Variants in ARHGAP28 observed in about 807,000 individuals in gnomAD.
ARHGAP28 encodes Rho GTPase activating protein 28, also known as rho GTPase-activating protein 28.
Under a neutral mutation model 90.7 loss-of-function variants are expected in ARHGAP28, and 56 were observed. That is an observed-to-expected ratio of 0.62 (90% confidence interval 0.50 to 0.77). ARHGAP28 has a LOEUF of 0.77. Among genes scored for constraint, ARHGAP28 ranks in the 30% least tolerant of loss-of-function variants. The pLI, the probability that ARHGAP28 is intolerant of heterozygous loss-of-function variation, is 0.00. For synonymous variants in ARHGAP28, 308 were observed against 323.3 expected (o/e 0.95, Z 0.51); for missense variants, 869 against 900.9 (o/e 0.96, Z 0.45).
chr18:6,790,357 A>G (rs1195040671), intron 1 of ARHGAP28: 1 of 152,228 alleles, frequency 6.6e-6, no homozygotes, highest in Non-Finnish European at 1.5e-5. Context: ...TATTCAGGAT[A>G]TAAGATAGTT....
At chr18:6,783,407 T>C (rs748600760) in intron 1 of ARHGAP28, among the ~76,000 whole-genome samples, 2 of 151,820 alleles carry the variant, frequency 1.3e-5, no homozygotes, top group Non-Finnish European at 2.9e-5. Flanking sequence ...GTTCAAGCGA[T>C]TTTCCTGCCT....
rs150161501 is a variant in ARHGAP28, at chr18:6,783,963, C to G, written c.123-40799C>G. 4.8e-4 allele frequency among the ~76,000 whole-genome samples: 73 copies of G among 152,312 alleles called. 1 individual carries two copies. Among genetic ancestry groups the G allele is most frequent in the African/African-American group, 1.3e-3 (55 of 41,574 alleles). ...GCTTCCCGTCTAGGGCTGGTGATGC[C>G]TCATCCTCCTGGTTGCTGTTAAGTT... On this transcript the variant is annotated intron_variant, in intron 1 of 17. Transcript: ENST00000383472.
rs746699577 is a variant in ARHGAP28 at position 6,909,065 on chromosome 18, TTACTC to T, written c.2095+44_2095+48del. On this transcript the variant is annotated intron_variant, in intron 17 of 17. Transcript: ENST00000383472. ...TAATTTCTACTGCTAAATTCTCTGATTACTCTAAAAGAAATATGTTGCTATAATCA... is the reference window on the plus strand; with the variant it reads ...TAATTTCTACTGCTAAATTCTCTGATTAAAAGAAATATGTTGCTATAATCA... The T allele has an allele frequency of 9.1e-5, 101 of 1,112,816 alleles. No homozygotes were observed. The African/African-American group carries it at 1.2e-3, about 13-fold the overall frequency. 68.9% of individuals were successfully genotyped at this position (1,112,816 alleles called of 1,614,324 possible).
rs532681098 is a variant in ARHGAP28, at chr18:6,782,206, G to C, written c.123-42556G>C. Among the ~76,000 whole-genome samples the C allele has an allele frequency of 4.6e-5, 7 of 152,206 alleles. No homozygotes were observed. In the South Asian group the frequency reaches 1.0e-3, roughly 23 times the overall value. On this transcript the variant is annotated intron_variant, in intron 1 of 17. Coordinates refer to ENST00000383472, the MANE Select transcript of ARHGAP28 (RefSeq NM_001366230.1). ...AGAGCATGTCCTTGGTTTAGGGAGTGGGGGGTTGAGGGGGTGAGATAACCT... is the reference window on the plus strand; with the variant it reads ...AGAGCATGTCCTTGGTTTAGGGAGTCGGGGGTTGAGGGGGTGAGATAACCT...
intron 1 of ARHGAP28, chr18:6,791,303 A>T (rs1003209387): frequency 3.3e-5 from 5 of 152,118 alleles, no homozygotes; most frequent in Admixed American, 6.6e-5. Context: ...ATTCACTGGC[A>T]GCTGATTGGA....
chr18:6,781,470 A>G (rs1000437356), intron 1 of ARHGAP28, among the ~76,000 whole-genome samples: 1 of 152,134 alleles, frequency 6.6e-6, no homozygotes, highest in African/African-American at 2.4e-5. Flanking sequence ...TCTCTCAGCT[A>G]AAGTGGGCAC....
intron 1 of ARHGAP28, among the ~76,000 whole-genome samples, chr18:6,742,487 CT>C (rs981174422): frequency 1.1e-4 from 17 of 151,990 alleles, no homozygotes; most frequent in African/African-American, 4.1e-4. Context: ...GGTTTTCTGT[CT>C]GGGAGTGTTA....
chr18:6,730,572 T>G (rs2055872210), intron 1 of ARHGAP28, among the ~76,000 whole-genome samples: 1 of 152,206 alleles, frequency 6.6e-6, no homozygotes, highest in South Asian at 2.1e-4. Flanking sequence ...TCAAAAGAAG[T>G]CTATAAGCAT....
intron 1 of ARHGAP28, among the ~76,000 whole-genome samples, chr18:6,810,836 C>A (rs1448782228): frequency 6.6e-6 from 1 of 152,102 alleles, no homozygotes; most frequent in Non-Finnish European, 1.5e-5. Context: ...TTTAGAGAAT[C>A]AGGAGAGAGT....
intron 12 of ARHGAP28, among the ~76,000 whole-genome samples, chr18:6,888,947 G>A (rs2057243454): frequency 6.6e-6 from 1 of 152,084 alleles, no homozygotes; most frequent in Admixed American, 6.6e-5. Context: ...CACTTAAGCT[G>A]AACAAAGCTG....
chr18:6,891,366 G>A (rs1270678323), intron 14 of ARHGAP28, among the ~76,000 whole-genome samples: 1 of 151,912 alleles, frequency 6.6e-6, no homozygotes, highest in Admixed American at 6.6e-5. Context: ...CTGAGTTCAA[G>A]TGATTCTCCT....
rs374482561 is a variant in ARHGAP28, at chr18:6,730,219, G to GTATATA, written c.122+277_122+278insATATAT. 413 of 158,758 alleles carry GTATATA rather than the reference G, an allele frequency of 2.6e-3. 20 individuals are homozygous for GTATATA. Among genetic ancestry groups the GTATATA allele is most frequent in the Admixed American group, 0.024 (300 of 12,456 alleles). 9.8% of individuals were successfully genotyped at this position (158,758 alleles called of 1,614,324 possible). A position where few individuals can be genotyped will look rare whatever the true frequency, so the allele number is the denominator to read the frequency against. ...TTGATACGATTTGAGGATAAGTCAT[G>GTATATA]TGTATATATATATATATACCTCATT... is the stretch of plus-strand genomic sequence containing the variant. On this transcript the variant is annotated intron_variant, in intron 1 of 17. Coordinates refer to ENST00000383472, the MANE Select transcript of ARHGAP28 (RefSeq NM_001366230.1).
chr18:6,844,631 C>T (rs1046177696), intron 3 of ARHGAP28, among the ~76,000 whole-genome samples: 2 of 151,874 alleles, frequency 1.3e-5, no homozygotes, highest in African/African-American at 4.8e-5. Flanking sequence ...TTTTCAATAG[C>T]CAGATGATTT....
chr18:6,887,477 C>T (rs2057231963), intron 12 of ARHGAP28, among the ~76,000 whole-genome samples: 1 of 146,398 alleles, frequency 6.8e-6, no homozygotes, highest in South Asian at 2.2e-4. Flanking sequence ...GTCACCCAGG[C>T]TGGAGTGCAG....
chr18:6,814,747 A>G (rs554490111), intron 1 of ARHGAP28, among the ~76,000 whole-genome samples: 7 of 152,234 alleles, frequency 4.6e-5, no homozygotes, highest in Non-Finnish European at 1.0e-4. Context: ...GCAATTTGGC[A>G]TTAAGCAATA....
In ARHGAP28 at chr18:6,754,356, A is replaced by G. The variant is rs571572021; in HGVS notation, c.122+24413A>G. Among the ~76,000 whole-genome samples the G allele has an allele frequency of 9.8e-5, 15 of 152,322 alleles. No homozygotes were observed. In the South Asian group the frequency reaches 3.1e-3, roughly 32 times the overall value. ...GAGCCATTTAATGTTGTTAAATCGT[A>G]CTAGAAGAAGGGAATACAGCTCTAT... On this transcript the variant is annotated intron_variant, in intron 1 of 17. Coordinates refer to ENST00000383472, the MANE Select transcript of ARHGAP28 (RefSeq NM_001366230.1).
At chr18:6,826,186 A>G (rs1337036908) in intron 2 of ARHGAP28, among the ~76,000 whole-genome samples, 1 of 147,726 alleles carries the variant, frequency 6.8e-6, no homozygotes, top group East Asian at 2.0e-4. Flanking sequence ...GTGTGAGATG[A>G]TATCTCAGTT....
chr18:6,905,377 C>T (rs532778712), intron 16 of ARHGAP28, among the ~76,000 whole-genome samples: 3 of 152,098 alleles, frequency 2.0e-5, no homozygotes, highest in African/African-American at 7.2e-5. Context: ...ATGATAAAAA[C>T]TCTCAGAAAA....
At chr18:6,731,654 A>G (rs2055883846) in intron 1 of ARHGAP28, among the ~76,000 whole-genome samples, 1 of 152,190 alleles carries the variant, frequency 6.6e-6, no homozygotes, top group African/African-American at 2.4e-5. Flanking sequence ...CCTCTGCTGC[A>G]GAACCCCCTG....
Sources: allele counts gnomAD v4.1 joint callset (sites outside exome capture counted in the v4.1 genomes callset), GRCh38; gene constraint gnomAD v4.1.1; transcripts MANE v1.5; gene names NCBI Gene and HGNC (gene_info 2026-07-23, HGNC 2026-07-21).